LARGE1: variants seen among roughly 807,000 people sequenced by gnomAD.
The protein encoded by LARGE1 is xylosyl- and glucuronyltransferase LARGE1.
A neutral mutation model predicts 87.6 loss-of-function variants in LARGE1; 43 were observed. The observed-to-expected ratio is 0.49, with a 90% CI of 0.38 to 0.63. LARGE1 has a LOEUF of 0.63. LARGE1 is among the 30% of genes least tolerant of loss of function. The pLI is 0.00. For missense variants in LARGE1, 802 were observed against 1,000.2 expected (o/e 0.80, Z 2.67); for synonymous variants, 434 against 394.6 (o/e 1.10, Z -1.18).
intron 2 of LARGE1, among the ~76,000 whole-genome samples, chr22:33,683,477 G>T (rs943417011): frequency 3.9e-5 from 6 of 152,014 alleles, no homozygotes; most frequent in African/African-American, 1.5e-4. Flanking sequence ...CTCCATAATT[G>T]AATGAGCCAA....
intron 6 of LARGE1, among the ~76,000 whole-genome samples, chr22:33,560,971 C>A (rs563311087): frequency 6.6e-6 from 1 of 152,202 alleles, no homozygotes; most frequent in South Asian, 2.1e-4. Context: ...TCCGCCACCA[C>A]GCCCAGCTAA....
intron 12 of LARGE1, among the ~76,000 whole-genome samples, chr22:33,302,986 T>C (rs11912591): frequency 0.027 from 4,065 of 152,296 alleles, 164 homozygotes; most frequent in African/African-American, 0.092. Flanking sequence ...TCACTAGGTA[T>C]TGGCATAATT....
intron 6 of LARGE1, among the ~76,000 whole-genome samples, chr22:33,452,638 A>G (rs1350509473): frequency 6.6e-6 from 1 of 152,170 alleles, no homozygotes; most frequent in Non-Finnish European, 1.5e-5. Context: ...ATCGGTGAGG[A>G]AGGCCACACG....
At chr22:33,616,230 G>T (rs550868810) in intron 4 of LARGE1, among the ~76,000 whole-genome samples, 1 of 152,124 alleles carries the variant, frequency 6.6e-6, no homozygotes, top group South Asian at 2.1e-4. Flanking sequence ...TGGATGGCCG[G>T]GCACTGTGGC....
intron 1 of LARGE1, among the ~76,000 whole-genome samples, chr22:33,821,936 T>TAAAAAAAAAAAAAAAAAACCTAAAA: frequency 6.8e-6 from 1 of 147,522 alleles, no homozygotes; most frequent in East Asian, 2.0e-4. Flanking sequence ...AGGTTCCGTT[T>TAAAAAAAAAAAAAAAAAACCTAAAA]AAGTGACTTT....
the LARGE1 span, among the ~76,000 whole-genome samples, chr22:33,109,782 G>A: frequency 6.6e-6 from 1 of 152,128 alleles, no homozygotes; most frequent in Non-Finnish European, 1.5e-5. Flanking sequence ...TGAGTTCACT[G>A]GAGATCTGGT....
At chr22:33,397,602 C>T (rs991694159) in intron 7 of LARGE1, among the ~76,000 whole-genome samples, 1 of 152,214 alleles carries the variant, frequency 6.6e-6, no homozygotes, top group African/African-American at 2.4e-5. Flanking sequence ...TTACTCTACC[C>T]ATTATGTCAC....
At chr22:33,208,756 G>A (rs1924815164) in intron 11 of LARGE1, among the ~76,000 whole-genome samples, 1 of 152,116 alleles carries the variant, frequency 6.6e-6, no homozygotes, top group Non-Finnish European at 1.5e-5. Context: ...GGTATGTGAT[G>A]TTCTCCTCCC....
chr22:33,652,154 G>A (rs963547507), intron 2 of LARGE1, among the ~76,000 whole-genome samples: 3 of 151,986 alleles, frequency 2.0e-5, no homozygotes, highest in East Asian at 1.9e-4. Flanking sequence ...CCAGCCTGGC[G>A]ACAGAGCAAG....
At chr22:33,919,693 G>C (rs1280334065) in intron 1 of LARGE1, among the ~76,000 whole-genome samples, 3 of 152,374 alleles carry the variant, frequency 2.0e-5, no homozygotes, top group African/African-American at 7.2e-5. Flanking sequence ...AGAGGGCCGG[G>C]GGTGCGGGTA....
chr22:33,339,375 G>A (rs1938889025), intron 9 of LARGE1, among the ~76,000 whole-genome samples: 1 of 148,088 alleles, frequency 6.8e-6, no homozygotes, highest in African/African-American at 2.6e-5. Flanking sequence ...TTCCGCACAA[G>A]GGGCGGAAAA....
Position 33,348,921 on chromosome 22 carries a change from A to G in LARGE1, c.1132-11120T>C, listed in dbSNP as rs57792786. 3.1e-3 allele frequency among the ~76,000 whole-genome samples: 475 copies of G among 152,102 alleles called. 5 individuals carry two copies. The East Asian group carries it at 0.048, about 15-fold the overall frequency. ...TCCTGTGCTGTTCTCTTGATTATGA[A>G]TAAGTCTCACAAAATCTGATGGTTT... On this transcript the variant is annotated intron_variant, in intron 9 of 14. Coordinates refer to ENST00000397394, the MANE Select transcript of LARGE1 (RefSeq NM_133642.5).
chr22:33,826,795 G>T (rs1039392043), intron 1 of LARGE1, among the ~76,000 whole-genome samples: 1 of 152,048 alleles, frequency 6.6e-6, no homozygotes, highest in East Asian at 1.9e-4. Context: ...AGGAATTGGA[G>T]CCTGTTATCA....
At chr22:33,359,560 C>CTTTTT (rs539990533) in intron 9 of LARGE1, among the ~76,000 whole-genome samples, 9 of 119,230 alleles carry the variant, frequency 7.5e-5, no homozygotes, top group East Asian at 2.4e-4. Context: ...GCAGACTCAT[C>CTTTTT]TTTTTTTTTT....
downstream of LARGE1, among the ~76,000 whole-genome samples, chr22:33,272,407 G>GA (rs1163047230): frequency 2.0e-5 from 3 of 152,224 alleles, no homozygotes; most frequent in African/African-American, 7.2e-5. Flanking sequence ...GGGGACAGAG[G>GA]AATCACTGAA....
intron 6 of LARGE1, among the ~76,000 whole-genome samples, chr22:33,468,104 C>T (rs2068689905): frequency 6.6e-6 from 1 of 152,162 alleles, no homozygotes; most frequent in South Asian, 2.1e-4. Flanking sequence ...TAATCAACAG[C>T]GTTGATGAGC....
chr22:33,190,960 C>T (rs1479730645), intron 11 of LARGE1, among the ~76,000 whole-genome samples: 2 of 152,194 alleles, frequency 1.3e-5, no homozygotes, highest in Middle Eastern at 6.3e-3. Context: ...AATAGCAGCA[C>T]CTTGTGCTAA....
intron 1 of LARGE1, among the ~76,000 whole-genome samples, chr22:33,774,954 T>C (rs1180562298): frequency 2.0e-5 from 3 of 152,158 alleles, no homozygotes; most frequent in Admixed American, 6.5e-5. Context: ...CAGGAAGCTT[T>C]GCCGTAATAC....
At chr22:33,149,575 A>T in the LARGE1 span, among the ~76,000 whole-genome samples, 2 of 152,208 alleles carry the variant, frequency 1.3e-5, no homozygotes, top group East Asian at 1.9e-4. Context: ...AACTTAGCTG[A>T]TGAAAACTAT....
Sources: gnomAD v4.1 joint callset for allele counts (sites outside exome capture counted in the v4.1 genomes callset) on GRCh38, gnomAD v4.1.1 for gene constraint, MANE v1.5 for transcripts, NCBI Gene and HGNC (gene_info 2026-07-23, HGNC 2026-07-21) for gene names.